MAP2: variants seen among roughly 807,000 people sequenced by gnomAD.
MAP2 encodes microtubule-associated protein 2.
MAP2 carries 14 observed loss-of-function variants against 137.6 expected under a neutral mutation model. That is an observed-to-expected ratio of 0.10 (90% CI 0.07 to 0.16). The LOEUF (loss-of-function observed/expected upper bound fraction) is 0.16, where lower values mean the gene tolerates loss of function less well. MAP2 is among the 10% of genes least tolerant of loss of function. The probability of loss-of-function intolerance (pLI) is 1.00; values close to 1 mark genes in which losing one functional copy is unlikely to be tolerated. For missense variants in MAP2, 2,088 were observed against 2,191.5 expected (o/e 0.95, Z 0.94); for synonymous variants, 786 against 782.3 (o/e 1.00, Z -0.08).
intron 1 of MAP2, among the ~76,000 whole-genome samples, chr2:209,457,084 T>C (rs1179460897): frequency 6.6e-6 from 1 of 152,162 alleles, no homozygotes; most frequent in East Asian, 1.9e-4. Flanking sequence ...AATATTTAGT[T>C]AGTGTTTTAC....
Position 209,687,041 on chromosome 2 carries a change from A to T in MAP2, c.455-5584A>T, listed in dbSNP as rs148414890. On this transcript the variant is annotated intron_variant, in intron 7 of 15. Coordinates refer to ENST00000682079, the MANE Select transcript of MAP2 (RefSeq NM_001375505.1). ...GTTTAAAATGATGCCTCTAGGTACT[A>T]CATTAGCCTTAGCATCCAAAGAAAG... 3.7e-3 allele frequency among the ~76,000 whole-genome samples: 555 copies of T among 152,030 alleles called. 3 individuals are homozygous for T. The highest frequency in any genetic ancestry group is 0.013 in the African/African-American group (523 of 41,462).
chr2:209,712,819 T>A (rs574773397), intron 13 of MAP2, among the ~76,000 whole-genome samples: 3 of 152,132 alleles, frequency 2.0e-5, no homozygotes, highest in Non-Finnish European at 2.9e-5. Flanking sequence ...TTAGAAATTA[T>A]CAAAATGACA....
intron 5 of MAP2, among the ~76,000 whole-genome samples, chr2:209,675,265 A>T (rs1012809941): frequency 2.6e-5 from 4 of 151,898 alleles, no homozygotes; most frequent in Non-Finnish European, 5.9e-5. Flanking sequence ...TTGGTTAAAC[A>T]TATACAAAAA....
At chr2:209,466,985 G>C (rs1056327602) in intron 1 of MAP2, among the ~76,000 whole-genome samples, 1 of 152,088 alleles carries the variant, frequency 6.6e-6, no homozygotes, top group Non-Finnish European at 1.5e-5. Flanking sequence ...GCTACATTAA[G>C]CTCAGTATGT....
intron 2 of MAP2, among the ~76,000 whole-genome samples, chr2:209,545,471 C>A: frequency 6.6e-6 from 1 of 150,584 alleles, no homozygotes; most frequent in African/African-American, 2.4e-5. Flanking sequence ...ATTAGTTGAC[C>A]TGGTAGCAAC....
intron 4 of MAP2, among the ~76,000 whole-genome samples, chr2:209,631,310 G>A (rs2093023105): frequency 6.6e-6 from 1 of 152,112 alleles, no homozygotes; most frequent in Non-Finnish European, 1.5e-5. Context: ...CAACGTTTCA[G>A]TACACATAGT....
At chr2:209,494,029 A>G (rs2150025803) in intron 1 of MAP2, among the ~76,000 whole-genome samples, 1 of 152,332 alleles carries the variant, frequency 6.6e-6, no homozygotes, top group African/African-American at 2.4e-5. Context: ...ACTTGGAACC[A>G]ACCAAAATGC....
chr2:209,606,947 G>A (rs924261258), intron 3 of MAP2, among the ~76,000 whole-genome samples: 1 of 152,104 alleles, frequency 6.6e-6, no homozygotes, highest in African/African-American at 2.4e-5. Context: ...TTGTGTTCCT[G>A]TTAATCTTCA....
At chr2:209,721,734 C>T (rs1357018182) in intron 13 of MAP2, among the ~76,000 whole-genome samples, 4 of 152,172 alleles carry the variant, frequency 2.6e-5, no homozygotes, top group Non-Finnish European at 4.4e-5. Flanking sequence ...CTTGTGATCA[C>T]TTGGCAATGA....
In MAP2 at chr2:209,709,977, C is replaced by A. The variant is rs2064905324; in HGVS notation, c.4796C>A (p.Thr1599Asn). 1 of 1,614,010 alleles carries A rather than the reference C, an allele frequency of 6.2e-7. No individual in the cohort carries two copies. The highest frequency in any genetic ancestry group is 2.2e-5 in the East Asian group (1 of 44,870). Residue 1599 changes from threonine (T) to asparagine (N), a missense_variant, in exon 13 of 16, where the codon ACT becomes AAT. Thr to Asn is a moderately conservative substitution (Grantham distance 65). This residue lies in a region of MAP2 where 591 missense variants were observed against 642.6 expected (regional missense o/e 0.92). Coordinates refer to ENST00000682079, the MANE Select transcript of MAP2 (RefSeq NM_001375505.1). ...TCAACACCCACTACCCCTGGGTCTA[C>A]TGCCATCACTCCTGGCACCCCACCA... Reference protein sequence around the residue: ...GTSTPTTPGSTAITPGTPPSY... With the variant: ...GTSTPTTPGSNAITPGTPPSY...
chr2:209,447,724 C>T (rs1699405295), intron 1 of MAP2, among the ~76,000 whole-genome samples: 1 of 152,032 alleles, frequency 6.6e-6, no homozygotes, highest in East Asian at 1.9e-4. Flanking sequence ...TTTCCCAATT[C>T]TCTAAGTTTG....
intron 2 of MAP2, among the ~76,000 whole-genome samples, chr2:209,520,022 G>T (rs1305932590): frequency 1.3e-5 from 2 of 151,986 alleles, no homozygotes; most frequent in African/African-American, 4.8e-5. Flanking sequence ...GGACATCCTA[G>T]CTTTCTGGTG....
chr2:209,593,889 AT>A (rs1316527616), intron 3 of MAP2, among the ~76,000 whole-genome samples: 1 of 52,250 alleles, frequency 1.9e-5, no homozygotes, highest in Non-Finnish European at 3.8e-5. Context: ...ATATATTTAT[AT>A]TATTAAAATA....
chr2:209,636,250 A>G (rs1005294278), intron 4 of MAP2, among the ~76,000 whole-genome samples: 1 of 152,116 alleles, frequency 6.6e-6, no homozygotes, highest in East Asian at 1.9e-4. Flanking sequence ...GTCATTTACA[A>G]CCATTGTGAA....
intron 14 of MAP2, among the ~76,000 whole-genome samples, chr2:209,728,869 A>G (rs1440194795): frequency 6.6e-6 from 1 of 152,222 alleles, no homozygotes. Flanking sequence ...TTCCAGAAGA[A>G]CGCATGTGCT....
chr2:209,552,238 G>A (rs149924131), intron 2 of MAP2, among the ~76,000 whole-genome samples: 1 of 151,268 alleles, frequency 6.6e-6, no homozygotes, highest in East Asian at 1.9e-4. Flanking sequence ...CTTTTTTTTT[G>A]TTGTTATTTA....
intron 1 of MAP2, among the ~76,000 whole-genome samples, chr2:209,451,523 C>T (rs951582503): frequency 6.6e-6 from 1 of 152,168 alleles, no homozygotes; most frequent in Admixed American, 6.5e-5. Flanking sequence ...TCCCCTTGCT[C>T]CCATGGCTCT....
chr2:209,517,054 G>A (rs1419038444), intron 2 of MAP2, among the ~76,000 whole-genome samples: 1 of 151,972 alleles, frequency 6.6e-6, no homozygotes, highest in African/African-American at 2.4e-5. Context: ...AATATTGTAT[G>A]CTATTGAATG....
intron 3 of MAP2, among the ~76,000 whole-genome samples, chr2:209,616,841 C>T (rs1218769844): frequency 6.6e-6 from 1 of 152,114 alleles, no homozygotes. Flanking sequence ...ATAAAGAACA[C>T]CACAGGCTGG....
Sources: allele counts gnomAD v4.1 joint callset (sites outside exome capture counted in the v4.1 genomes callset), GRCh38; gene constraint gnomAD v4.1.1; regional missense constraint gnomAD v4.1.1; transcripts MANE v1.5; gene names NCBI Gene and HGNC (gene_info 2026-07-23, HGNC 2026-07-21).